MTCH2: variants seen among roughly 807,000 people sequenced by gnomAD.
The protein encoded by MTCH2 is mitochondrial carrier 2, also known as mitochondrial carrier homolog 2.
Under a neutral mutation model 50.6 loss-of-function variants are expected in MTCH2, and 25 were observed. The ratio of observed to expected loss-of-function variants is 0.49; its 90% CI spans 0.36 to 0.69. The LOEUF (loss-of-function observed/expected upper bound fraction) is 0.69, where lower values mean the gene tolerates loss of function less well. MTCH2 is among the 30% of genes least tolerant of loss of function. The pLI, the probability that MTCH2 is intolerant of heterozygous loss-of-function variation, is 0.00. For missense variants in MTCH2, 273 were observed against 384.4 expected, an observed-to-expected ratio of 0.71 and a Z score of 2.42; for synonymous variants, 106 against 132.0, an observed-to-expected ratio of 0.80 and a Z score of 1.35.
chr11:47,624,480 T>C (rs1404771381), intron 11 of MTCH2, among the ~76,000 whole-genome samples: 4 of 152,168 alleles, frequency 2.6e-5, no homozygotes, highest in Non-Finnish European at 5.9e-5. Flanking sequence ...CTTTTGTCAC[T>C]TTCATAGAAA....
intron 5 of MTCH2, among the ~76,000 whole-genome samples, chr11:47,632,514 C>A (rs369918446): frequency 6.6e-6 from 1 of 151,856 alleles, no homozygotes. Flanking sequence ...CCATCATGCC[C>A]GGCTAATTTT....
Position 47,638,714 on chromosome 11 carries a change from A to G in MTCH2, c.264T>C (p.His88=), listed in dbSNP as rs147608277. The part of the protein sequence containing the change: ...LCSGVLGTVV[H]GKVLQHYQES... Reference sequence around the variant, plus strand: ...TTCCTCTTACCTGTAAAACTTTACCATGGACCACAGTTCCAAGGACTCCCG... The same window carrying G: ...TTCCTCTTACCTGTAAAACTTTACCGTGGACCACAGTTCCAAGGACTCCCG... Residue 88 remains histidine (H), a synonymous_variant, in exon 3 of 13, where the codon CAT becomes CAC. Transcript: ENST00000302503. 114 of 1,613,832 alleles carry G rather than the reference A, an allele frequency of 7.1e-5. No individual in the cohort carries two copies. The highest frequency in any genetic ancestry group is 8.6e-5 in the Non-Finnish European group (102 of 1,179,808).
Position 47,618,674 on chromosome 11 carries a change from T to C in MTCH2, c.*159A>G. 1.4e-6 allele frequency: 1 copy of C among 717,964 alleles called. No homozygotes were observed. Among genetic ancestry groups the C allele is most frequent in the South Asian group, 1.6e-5 (1 of 63,854 alleles). The allele number at this position is 717,964 out of a possible 1,614,324, so 44.5% of individuals were successfully genotyped here. On this transcript the variant is annotated 3_prime_UTR_variant, in exon 13 of 13. Coordinates refer to ENST00000302503, the MANE Select transcript of MTCH2 (RefSeq NM_014342.4). The stretch of plus-strand genomic sequence containing the variant: ...GTATCAGTGGTAAGTTATGTTGTGC[T>C]GGAAAAAAGAACAAAAAAGGCAGAC...
At chr11:47,634,239 A>G (rs2097306392) in intron 5 of MTCH2, among the ~76,000 whole-genome samples, 1 of 152,006 alleles carries the variant, frequency 6.6e-6, no homozygotes, top group Admixed American at 6.6e-5. Context: ...CCACACACCT[A>G]GCTAATTTTT....
chr11:47,628,269 CTT>C (rs2097299854), intron 9 of MTCH2, among the ~76,000 whole-genome samples: 1 of 152,180 alleles, frequency 6.6e-6, no homozygotes, highest in South Asian at 2.1e-4. Context: ...CAGGCACCCT[CTT>C]AAGTCCAGAT....
the MTCH2 span, among the ~76,000 whole-genome samples, chr11:47,609,141 A>AAG: frequency 1.9e-4 from 5 of 26,190 alleles, no homozygotes; most frequent in Non-Finnish European, 2.9e-4. Flanking sequence ...AAAAAAAAAA[A>AAG]AAAAAGAAAA....
At chr11:47,607,524 A>AGAT in the MTCH2 span, among the ~76,000 whole-genome samples, 15 of 152,204 alleles carry the variant, frequency 9.9e-5, no homozygotes, top group East Asian at 2.7e-3. Context: ...CTACCCCTTC[A>AGAT]GATGGGCCTG....
At chr11:47,633,435 T>A (rs1214645664) in intron 5 of MTCH2, among the ~76,000 whole-genome samples, 2 of 144,706 alleles carry the variant, frequency 1.4e-5, no homozygotes, top group African/African-American at 5.1e-5. Flanking sequence ...AGCAAACTAA[T>A]TTCATGAAAA....
intron 9 of MTCH2, among the ~76,000 whole-genome samples, chr11:47,627,580 G>A (rs936188883): frequency 3.3e-5 from 5 of 151,674 alleles, no homozygotes; most frequent in Non-Finnish European, 5.9e-5. Flanking sequence ...TGCTCTCCAT[G>A]TCAATATAGT....
intron 1 of MTCH2, among the ~76,000 whole-genome samples, chr11:47,641,629 A>G (rs1280842543): frequency 1.3e-5 from 2 of 152,236 alleles, no homozygotes; most frequent in Admixed American, 6.5e-5. Flanking sequence ...ATGTGAATAT[A>G]AAATACCATG....
At chr11:47,619,523 C>T (rs894618412) in intron 12 of MTCH2, among the ~76,000 whole-genome samples, 2 of 152,068 alleles carry the variant, frequency 1.3e-5, no homozygotes, top group African/African-American at 2.4e-5. Flanking sequence ...GTGTGATCCA[C>T]CATACCCGGC....
downstream of MTCH2, among the ~76,000 whole-genome samples, chr11:47,613,289 T>C (rs1006359818): frequency 1.3e-5 from 2 of 152,114 alleles, no homozygotes; most frequent in Non-Finnish European, 2.9e-5. Flanking sequence ...ACCCAGCACT[T>C]GTGACTTCTT....
At chr11:47,611,496 C>T in the MTCH2 span, among the ~76,000 whole-genome samples, 1 of 152,220 alleles carries the variant, frequency 6.6e-6, no homozygotes, top group Non-Finnish European at 1.5e-5. Context: ...AAAAGCAATA[C>T]CTAATAGATT....
chr11:47,616,001 T>C (rs1211625949), downstream of MTCH2, among the ~76,000 whole-genome samples: 3 of 151,028 alleles, frequency 2.0e-5, no homozygotes, highest in African/African-American at 7.3e-5. Context: ...TCTTGTTGCC[T>C]AGGCTGGAGT....
At chr11:47,612,316 C>A (rs373295467), downstream of MTCH2, among the ~76,000 whole-genome samples, 11 of 152,084 alleles carry the variant, frequency 7.2e-5, no homozygotes, top group South Asian at 2.3e-3. Flanking sequence ...GCCTGTAATC[C>A]CAGCACTTTG....
chr11:47,628,731 C>T (rs865825860), intron 9 of MTCH2, among the ~76,000 whole-genome samples: 22 of 152,254 alleles, frequency 1.4e-4, no homozygotes, highest in South Asian at 4.1e-4. Context: ...CGCACCACCA[C>T]GCCCAGCTAA....
intron 11 of MTCH2, among the ~76,000 whole-genome samples, chr11:47,624,779 T>C (rs1436459704): frequency 6.6e-6 from 1 of 152,022 alleles, no homozygotes; most frequent in African/African-American, 2.4e-5. Flanking sequence ...GCCCTATCTC[T>C]AAAAAAATTA....
intron 6 of MTCH2, 71 bp downstream of exon 6, chr11:47,631,583 C>A: frequency 6.7e-7 from 1 of 1,500,030 alleles, no homozygotes; most frequent in Non-Finnish European, 9.2e-7. Context: ...TCAACTCCCA[C>A]GTCAACCTAT....
At chr11:47,632,268 G>T (rs2097303749) in intron 5 of MTCH2, among the ~76,000 whole-genome samples, 1 of 151,956 alleles carries the variant, frequency 6.6e-6, no homozygotes, top group Non-Finnish European at 1.5e-5. Flanking sequence ...CTAGGGCTCT[G>T]TAAGGAAGTA....
Sources: gnomAD v4.1 joint callset for allele counts (sites outside exome capture counted in the v4.1 genomes callset) on GRCh38, gnomAD v4.1.1 for gene constraint, MANE v1.5 for transcripts, NCBI Gene and HGNC (gene_info 2026-07-23, HGNC 2026-07-21) for gene names.